NRIP3: variants seen among roughly 807,000 people sequenced by gnomAD.
NRIP3 encodes nuclear receptor-interacting protein 3.
A neutral mutation model predicts 29.0 loss-of-function variants in NRIP3; 31 were observed. The observed-to-expected ratio is 1.07, with a 90% CI of 0.80 to 1.44. The LOEUF is 1.44. Ranked by LOEUF, NRIP3 falls within the 40% of genes most tolerant of loss-of-function variation. The pLI, the probability that NRIP3 is intolerant of heterozygous loss-of-function variation, is 0.00. For missense variants in NRIP3, 314 were observed against 297.9 expected, an observed-to-expected ratio of 1.05 and a Z score of -0.40; for synonymous variants, 131 against 118.3, an observed-to-expected ratio of 1.11 and a Z score of -0.70.
At chr11:9,002,596 TAAAAAAAA>T (rs10701323) in intron 1 of NRIP3, among the ~76,000 whole-genome samples, 1 of 101,244 alleles carries the variant, frequency 9.9e-6, no homozygotes, top group African/African-American at 3.9e-5. Flanking sequence ...GCTGTTAAAT[TAAAAAAAA>T]AAAAAAAAAA....
chr11:8,985,690 C>T, intron 4 of NRIP3, 21 bp downstream of exon 4: 2 of 1,612,070 alleles, frequency 1.2e-6, no homozygotes, highest in Non-Finnish European at 1.7e-6. Flanking sequence ...GTCCATAGGT[C>T]CAGCCCTCAA....
At chr11:8,992,088 G>C (rs774214463) in intron 1 of NRIP3, among the ~76,000 whole-genome samples, 12 of 152,190 alleles carry the variant, frequency 7.9e-5, no homozygotes, top group Non-Finnish European at 1.6e-4. Context: ...TATTTTGTTT[G>C]AGCTGTTATA....
At chr11:8,984,809 G>A (rs1428146398) in intron 4 of NRIP3, among the ~76,000 whole-genome samples, 1 of 151,952 alleles carries the variant, frequency 6.6e-6, no homozygotes, top group Non-Finnish European at 1.5e-5. Context: ...AGCTCTCAAG[G>A]GACATTTTCA....
chr11:8,991,867 G>A lies in NRIP3; in HGVS notation c.175-3585C>T, dbSNP rs543313989. On this transcript the variant is annotated intron_variant, in intron 1 of 6. Coordinates refer to ENST00000309166, the MANE Select transcript of NRIP3 (RefSeq NM_020645.3). ...TGGAAGTGACATGCACCATTTCTAT[G>A]CCTGGCCCATAAAAATCTCCTGTGC... 6.6e-5 allele frequency among the ~76,000 whole-genome samples: 10 copies of A among 152,282 alleles called. No homozygotes were observed. In the South Asian group the frequency reaches 1.9e-3, roughly 28 times the overall value.
intron 1 of NRIP3, among the ~76,000 whole-genome samples, chr11:9,003,151 C>G (rs1854838458): frequency 6.6e-6 from 1 of 152,142 alleles, no homozygotes; most frequent in South Asian, 2.1e-4. Context: ...TCCTTGGGGG[C>G]GGGGCTGGAA....
At chr11:8,992,478 T>G (rs75969507) in intron 1 of NRIP3, among the ~76,000 whole-genome samples, 2,627 of 152,274 alleles carry the variant, frequency 0.017, 72 homozygotes, top group African/African-American at 0.061. Flanking sequence ...CTGTGAAATT[T>G]TGGAATAGCA....
At chr11:8,997,321 C>T (rs1015239361) in intron 1 of NRIP3, among the ~76,000 whole-genome samples, 6 of 130,102 alleles carry the variant, frequency 4.6e-5, no homozygotes, top group African/African-American at 1.8e-4. Flanking sequence ...CGCACCACTG[C>T]ACTCCAGCCT....
intron 1 of NRIP3, among the ~76,000 whole-genome samples, chr11:8,988,531 G>A (rs899509344): frequency 2.0e-5 from 3 of 152,190 alleles, no homozygotes; most frequent in Admixed American, 6.5e-5. Flanking sequence ...GGAGAGGGCC[G>A]ATAAATATTC....
intron 1 of NRIP3, among the ~76,000 whole-genome samples, chr11:8,994,303 C>T (rs1189649045): frequency 6.6e-6 from 1 of 152,278 alleles, no homozygotes; most frequent in Middle Eastern, 3.4e-3. Flanking sequence ...GTTTTTTGCC[C>T]ATATCTTCTT....
intron 1 of NRIP3, among the ~76,000 whole-genome samples, chr11:8,993,862 A>G (rs1854653506): frequency 1.3e-5 from 2 of 151,802 alleles, no homozygotes; most frequent in African/African-American, 4.8e-5. Flanking sequence ...GAAAACAGTT[A>G]ATTAAGAAAT....
intron 4 of NRIP3, among the ~76,000 whole-genome samples, chr11:8,984,405 A>G (rs1219201668): frequency 6.6e-6 from 1 of 151,898 alleles, no homozygotes; most frequent in Admixed American, 6.6e-5. Flanking sequence ...TGGGATTACC[A>G]GCACCCACCA....
intron 4 of NRIP3, 127 bp from the exon 5 acceptor site, chr11:8,984,251 ATTTTTTTT>A (rs1239093121): frequency 5.6e-6 from 2 of 358,372 alleles, no homozygotes; most frequent in Non-Finnish European, 9.1e-6. Flanking sequence ...AGCATGTGTT[ATTTTTTTT>A]TTATTTTTTT....
At chr11:8,990,724 C>T (rs1483185531) in intron 1 of NRIP3, among the ~76,000 whole-genome samples, 2 of 151,890 alleles carry the variant, frequency 1.3e-5, no homozygotes, top group East Asian at 1.9e-4. Flanking sequence ...CCCAGGAGGC[C>T]GAGGTTGCAG....
At chr11:8,990,486 T>C (rs1854581383) in intron 1 of NRIP3, among the ~76,000 whole-genome samples, 1 of 152,112 alleles carries the variant, frequency 6.6e-6, no homozygotes, top group Non-Finnish European at 1.5e-5. Flanking sequence ...CACTGAAATA[T>C]ATAAAATAAA....
intron 1 of NRIP3, among the ~76,000 whole-genome samples, chr11:9,003,319 C>G (rs777068123): frequency 2.2e-4 from 34 of 152,182 alleles, no homozygotes; most frequent in Non-Finnish European, 4.6e-4. Flanking sequence ...TCCTCTGGAT[C>G]TGGCAACTGT....
chr11:8,997,495 A>C (rs1841765648), intron 1 of NRIP3, among the ~76,000 whole-genome samples: 1 of 152,184 alleles, frequency 6.6e-6, no homozygotes, highest in East Asian at 1.9e-4. Context: ...TTTATGCTAA[A>C]CTTCAACAAG....
At chr11:8,989,493 A>G (rs1380158442) in intron 1 of NRIP3, among the ~76,000 whole-genome samples, 2 of 152,224 alleles carry the variant, frequency 1.3e-5, no homozygotes, top group African/African-American at 4.8e-5. Context: ...TCTTCAGTGT[A>G]TCTGCCACCT....
chr11:9,003,700 C>T, intron 1 of NRIP3, 62 bp downstream of exon 1: 1 of 1,344,594 alleles, frequency 7.4e-7, no homozygotes, highest in Non-Finnish European at 9.6e-7. Context: ...AACGGCCGGG[C>T]CTCGGAAAAC....
Position 8,983,030 on chromosome 11 carries a change from A to G in NRIP3, c.*515T>C, listed in dbSNP as rs1854447976. ...ATGAAAGAGTTAAACTGTAATGGAT[A>G]ATGTCCCTGGGCTCTTTCACATAAT... is the stretch of plus-strand genomic sequence containing the variant. On this transcript the variant is annotated 3_prime_UTR_variant, in exon 7 of 7. Transcript: ENST00000309166. 1 of 456,264 alleles carries G rather than the reference A, an allele frequency of 2.2e-6. No individual in the cohort carries two copies. Among genetic ancestry groups the G allele is most frequent in the Admixed American group, 2.4e-5 (1 of 42,458 alleles). The allele number at this position is 456,264 out of a possible 1,614,324, so 28.3% of individuals were successfully genotyped here. A position where few individuals can be genotyped will look rare whatever the true frequency, so the allele number is the denominator to read the frequency against.
Sources: gnomAD v4.1 joint callset for allele counts (sites outside exome capture counted in the v4.1 genomes callset) on GRCh38, gnomAD v4.1.1 for gene constraint, MANE v1.5 for transcripts, NCBI Gene and HGNC (gene_info 2026-07-23, HGNC 2026-07-21) for gene names.